GPHN: variants seen among roughly 807,000 people sequenced by gnomAD.
The protein encoded by GPHN is gephyrin.
A neutral mutation model predicts 95.5 loss-of-function variants in GPHN; 17 were observed. That is an observed-to-expected ratio of 0.18 (90% CI 0.12 to 0.27). The LOEUF (loss-of-function observed/expected upper bound fraction) is 0.27, where lower values mean the gene tolerates loss of function less well. Ranked by LOEUF, GPHN falls within the 10% of genes least tolerant of loss-of-function variation. The pLI, the probability that GPHN is intolerant of heterozygous loss-of-function variation, is 1.00. For missense variants in GPHN, 660 were observed against 978.1 expected (o/e 0.67, Z 4.34); for synonymous variants, 320 against 322.5 (o/e 0.99, Z 0.08).
chr14:66,829,340 G>T (rs2061498516), intron 4 of GPHN, among the ~76,000 whole-genome samples: 1 of 152,022 alleles, frequency 6.6e-6, no homozygotes, highest in East Asian at 1.9e-4. Flanking sequence ...TGCCTGCTTC[G>T]GCCTCCCAAA....
At chr14:66,782,925 C>T (rs1430815479) in intron 3 of GPHN, among the ~76,000 whole-genome samples, 1 of 152,134 alleles carries the variant, frequency 6.6e-6, no homozygotes, top group African/African-American at 2.4e-5. Flanking sequence ...TACCTGGGAA[C>T]CTCAGGAATT....
the GPHN span, among the ~76,000 whole-genome samples, chr14:67,519,782 G>A: frequency 2.0e-5 from 3 of 151,744 alleles, no homozygotes; most frequent in Non-Finnish European, 4.4e-5. Context: ...GAGTGCAGTG[G>A]CATGATCATG....
At chr14:67,318,069 A>G in the GPHN span, among the ~76,000 whole-genome samples, 4 of 152,080 alleles carry the variant, frequency 2.6e-5, no homozygotes, top group African/African-American at 7.2e-5. Flanking sequence ...TATTAACCCA[A>G]CCTGATTTAC....
chr14:66,564,305 C>T (rs1041263742), intron 1 of GPHN, among the ~76,000 whole-genome samples: 13 of 151,928 alleles, frequency 8.6e-5, no homozygotes, highest in African/African-American at 3.1e-4. Context: ...CAGCTCTCAC[C>T]ATGATATCAT....
chr14:66,729,399 A>G (rs2071555845), intron 2 of GPHN, among the ~76,000 whole-genome samples: 1 of 152,230 alleles, frequency 6.6e-6, no homozygotes, highest in South Asian at 2.1e-4. Context: ...ATGAACGAAG[A>G]TCTAGTTTGT....
At chr14:66,979,627 C>T (rs533818778) in intron 9 of GPHN, among the ~76,000 whole-genome samples, 6 of 152,310 alleles carry the variant, frequency 3.9e-5, no homozygotes, top group African/African-American at 1.2e-4. Flanking sequence ...CTCAGACTTT[C>T]TCCATATTAG....
chr14:67,037,626 A>T (rs1489264297), intron 10 of GPHN, among the ~76,000 whole-genome samples: 22 of 152,024 alleles, frequency 1.4e-4, no homozygotes, highest in Admixed American at 1.4e-3. Flanking sequence ...TCCCAATTTA[A>T]AAATGGGGAA....
the GPHN span, among the ~76,000 whole-genome samples, chr14:67,555,536 G>A: frequency 6.6e-6 from 1 of 152,136 alleles, no homozygotes; most frequent in Non-Finnish European, 1.5e-5. Context: ...AATGACAGTG[G>A]AGCTGCTGCC....
At chr14:67,335,831 C>A in the GPHN span, 1 of 152,310 alleles carries the variant, frequency 6.6e-6, no homozygotes, top group Non-Finnish European at 1.5e-5. Flanking sequence ...TAAGCAATTT[C>A]TCTTGCTATT....
intron 1 of GPHN, among the ~76,000 whole-genome samples, chr14:66,599,297 G>A (rs117758309): frequency 0.013 from 2,012 of 150,702 alleles, 24 homozygotes; most frequent in Non-Finnish European, 0.018. Flanking sequence ...AGATTTTGAG[G>A]GATTTTATTT....
At chr14:67,163,429 G>A (rs1567431557) in intron 19 of GPHN, among the ~76,000 whole-genome samples, 1 of 151,978 alleles carries the variant, frequency 6.6e-6, no homozygotes, top group African/African-American at 2.4e-5. Flanking sequence ...TAATGGTCAA[G>A]ATGATAGCAA....
the GPHN span, among the ~76,000 whole-genome samples, chr14:67,214,523 A>G: frequency 4.6e-5 from 7 of 152,090 alleles, no homozygotes; most frequent in Non-Finnish European, 1.0e-4. Flanking sequence ...CCATTGATCT[A>G]TATCTCTGTT....
At chr14:66,877,331 C>T (rs919569749) in intron 4 of GPHN, among the ~76,000 whole-genome samples, 10 of 152,162 alleles carry the variant, frequency 6.6e-5, no homozygotes, top group Non-Finnish European at 1.2e-4. Flanking sequence ...TGGCACTAGA[C>T]AAGGATGCCC....
At chr14:66,892,772 G>A (rs1157282716) in intron 5 of GPHN, among the ~76,000 whole-genome samples, 1 of 152,152 alleles carries the variant, frequency 6.6e-6, no homozygotes, top group Non-Finnish European at 1.5e-5. Flanking sequence ...AGAATGGAGA[G>A]TTTTTGTTTG....
chr14:66,618,871 C>G (rs1338096103), intron 1 of GPHN, among the ~76,000 whole-genome samples: 1 of 152,166 alleles, frequency 6.6e-6, no homozygotes, highest in African/African-American at 2.4e-5. Flanking sequence ...CCATCACACT[C>G]TACAAGTTTC....
the GPHN span, chr14:67,714,488 TAA>T: frequency 1.3e-5 from 2 of 152,528 alleles, no homozygotes; most frequent in Admixed American, 1.3e-4. Flanking sequence ...TTCTTTTTAT[TAA>T]AAAGAGTTCC....
At chr14:66,621,850 C>T (rs1467667466) in intron 1 of GPHN, among the ~76,000 whole-genome samples, 1 of 152,168 alleles carries the variant, frequency 6.6e-6, no homozygotes, top group Non-Finnish European at 1.5e-5. Context: ...CAGGATACAG[C>T]CTCCATCCCA....
chr14:67,572,067 G>T, the GPHN span: 1 of 1,538,708 alleles, frequency 6.5e-7, no homozygotes. Context: ...TCAAGTCTCA[G>T]CAGCTCCTGG....
At chr14:66,715,618 G>C (rs747454437) in intron 2 of GPHN, among the ~76,000 whole-genome samples, 1 of 152,168 alleles carries the variant, frequency 6.6e-6, no homozygotes, top group Non-Finnish European at 1.5e-5. Flanking sequence ...GGTGTTTAGG[G>C]CTATGAACTT....
Sources: gnomAD v4.1 joint callset for allele counts (sites outside exome capture counted in the v4.1 genomes callset) on GRCh38, gnomAD v4.1.1 for gene constraint, MANE v1.5 for transcripts, NCBI Gene and HGNC (gene_info 2026-07-23, HGNC 2026-07-21) for gene names.